Variants in DOCK1 observed in about 807,000 individuals in gnomAD.
The protein encoded by DOCK1 is dedicator of cytokinesis protein 1.
DOCK1 carries 138 observed loss-of-function variants against 262.7 expected under a neutral mutation model. The observed-to-expected ratio is 0.53, with a 90% CI of 0.46 to 0.61. DOCK1 has a LOEUF of 0.61. Among genes scored for constraint, DOCK1 ranks in the 20% least tolerant of loss-of-function variants. The pLI is 0.00. For missense variants in DOCK1, 1,908 were observed against 2,370.7 expected (o/e 0.80, Z 4.05); for synonymous variants, 866 against 867.4 (o/e 1.00, Z 0.03).
At chr10:126,958,749 G>C (rs1482345009) in intron 1 of DOCK1, among the ~76,000 whole-genome samples, 1 of 152,176 alleles carries the variant, frequency 6.6e-6, no homozygotes, top group Non-Finnish European at 1.5e-5. Flanking sequence ...GGGAGGCGCT[G>C]CTTAGTTCTT....
intron 2 of DOCK1, among the ~76,000 whole-genome samples, chr10:126,971,691 T>TA (rs1303708461): frequency 1.3e-5 from 2 of 152,166 alleles, no homozygotes; most frequent in Non-Finnish European, 2.9e-5. Flanking sequence ...ATGCTGGAAT[T>TA]ACAGGCGTGA....
intron 27 of DOCK1, among the ~76,000 whole-genome samples, chr10:127,234,372 C>A (rs1443872219): frequency 1.3e-5 from 2 of 151,930 alleles, no homozygotes; most frequent in Admixed American, 6.6e-5. Flanking sequence ...ATAGTTTACC[C>A]TAATATACAA....
intron 28 of DOCK1, among the ~76,000 whole-genome samples, chr10:127,250,072 A>T (rs544658945): frequency 2.0e-5 from 3 of 152,218 alleles, no homozygotes; most frequent in Non-Finnish European, 4.4e-5. Flanking sequence ...TGCTTTGGTC[A>T]GTGTAAAGCA....
intron 23 of DOCK1, among the ~76,000 whole-genome samples, chr10:127,103,702 C>T (rs2136202347): frequency 6.6e-6 from 1 of 152,278 alleles, no homozygotes; most frequent in Non-Finnish European, 1.5e-5. Context: ...GAAGTGCAGC[C>T]TGTTCCGTGC....
chr10:127,175,343 A>T lies in DOCK1; in HGVS notation c.2847+47579A>T. The T allele has an allele frequency of 5.0e-6, 8 of 1,614,060 alleles. No homozygotes were observed. Among genetic ancestry groups the T allele is most frequent in the Non-Finnish European group, 6.8e-6 (8 of 1,180,026 alleles). On this transcript the variant is annotated intron_variant, in intron 27 of 51. Transcript: ENST00000623213. This position sits in a 1 kb window ranked among gnomAD's most constrained non-coding sequence, Gnocchi z 6.3. ...CTTTGAGGTCGACCACTTCCGTATG[A>T]GGCACGATTCGTTGGCATTCTTCAC... is the stretch of plus-strand genomic sequence containing the variant.
At chr10:127,076,782 G>T (rs922055118) in intron 23 of DOCK1, among the ~76,000 whole-genome samples, 1 of 152,178 alleles carries the variant, frequency 6.6e-6, no homozygotes, top group Non-Finnish European at 1.5e-5. Flanking sequence ...GGGCTGACAG[G>T]GGGGCTCCGT....
intron 1 of DOCK1, among the ~76,000 whole-genome samples, chr10:126,949,438 C>T (rs1424830210): frequency 6.6e-6 from 1 of 152,158 alleles, no homozygotes; most frequent in Non-Finnish European, 1.5e-5. Context: ...ACCAACTATA[C>T]ATGGCAGTCC....
intron 12 of DOCK1, among the ~76,000 whole-genome samples, chr10:127,016,339 G>T (rs552876015): frequency 1.1e-4 from 16 of 152,320 alleles, no homozygotes; most frequent in African/African-American, 3.6e-4. Context: ...TGACTTCTCA[G>T]CTCCAGCTAA....
At chr10:127,294,965 G>T (rs1296886068) in intron 29 of DOCK1, among the ~76,000 whole-genome samples, 2 of 152,138 alleles carry the variant, frequency 1.3e-5, no homozygotes, top group African/African-American at 4.8e-5. Context: ...CTTAAATAAG[G>T]ATAGCACATA....
At chr10:126,923,718 G>C (rs1293269048) in intron 1 of DOCK1, among the ~76,000 whole-genome samples, 1 of 152,220 alleles carries the variant, frequency 6.6e-6, no homozygotes, top group Non-Finnish European at 1.5e-5. Flanking sequence ...CTCCATGTGC[G>C]ATGGTCCGTA....
intron 46 of DOCK1, among the ~76,000 whole-genome samples, chr10:127,422,158 CTTTTTT>C (rs35535729): frequency 3.3e-5 from 2 of 61,370 alleles, no homozygotes; most frequent in East Asian, 4.8e-4. Flanking sequence ...TTTTGTTTGT[CTTTTTT>C]TTTTTTTTTT....
At chr10:127,023,921 C>G (rs1356643452) in intron 14 of DOCK1, among the ~76,000 whole-genome samples, 9 of 152,178 alleles carry the variant, frequency 5.9e-5, no homozygotes, top group African/African-American at 1.9e-4. Flanking sequence ...TTAGAGAGCT[C>G]TAGGGGTGGA....
chr10:127,247,917 C>A (rs1174712643), intron 27 of DOCK1, 91 bp from the exon 28 acceptor site: 6 of 1,265,074 alleles, frequency 4.7e-6, no homozygotes, highest in Non-Finnish European at 4.5e-6. Context: ...TTCTCCCTGA[C>A]AGTTTCAAGT....
intron 21 of DOCK1, among the ~76,000 whole-genome samples, chr10:127,045,347 G>T (rs1407665567): frequency 2.0e-5 from 3 of 152,012 alleles, no homozygotes; most frequent in Non-Finnish European, 1.5e-5. Flanking sequence ...GCCTGAATTT[G>T]CATGTCTGCA....
intron 1 of DOCK1, among the ~76,000 whole-genome samples, chr10:126,923,188 G>T (rs1045524159): frequency 6.6e-6 from 1 of 152,204 alleles, no homozygotes; most frequent in Non-Finnish European, 1.5e-5. Flanking sequence ...GCCACATTTG[G>T]CCCATAGGCT....
At chr10:127,294,316 GTT>G (rs1322790069) in intron 29 of DOCK1, among the ~76,000 whole-genome samples, 1 of 151,506 alleles carries the variant, frequency 6.6e-6, no homozygotes, top group Non-Finnish European at 1.5e-5. Flanking sequence ...GTTTTGTTTT[GTT>G]TTGTTTTTTG....
At chr10:127,156,187 C>T (rs2053026691) in intron 27 of DOCK1, among the ~76,000 whole-genome samples, 1 of 152,156 alleles carries the variant, frequency 6.6e-6, no homozygotes, top group Admixed American at 6.5e-5. Flanking sequence ...CCTTCCTTGC[C>T]CAGTGTCCAA....
intron 10 of DOCK1, chr10:127,001,743 A>G (rs993597975): frequency 7.6e-5 from 12 of 158,460 alleles, no homozygotes; most frequent in East Asian, 5.2e-4. Flanking sequence ...CAATTTACCC[A>G]TAGAGCTAAC....
At chr10:127,314,090 C>T (rs913313575) in intron 29 of DOCK1, among the ~76,000 whole-genome samples, 2 of 152,184 alleles carry the variant, frequency 1.3e-5, no homozygotes, top group African/African-American at 4.8e-5. Context: ...AGCATCTGCA[C>T]GCACTTGTTT....
Sources: gnomAD v4.1 joint callset for allele counts (sites outside exome capture counted in the v4.1 genomes callset) on GRCh38, gnomAD v4.1.1 for gene constraint, Gnocchi (gnomAD v3.1) non-coding constraint, MANE v1.5 for transcripts, NCBI Gene and HGNC (gene_info 2026-07-23, HGNC 2026-07-21) for gene names.